MSRA: variants seen among roughly 807,000 people sequenced by gnomAD.
MSRA encodes methionine sulfoxide reductase A.
MSRA carries 54 observed loss-of-function variants against 31.3 expected under a neutral mutation model. The ratio of observed to expected loss-of-function variants is 1.73; its 90% CI spans 1.39 to 2.17. The LOEUF (loss-of-function observed/expected upper bound fraction) is 2.17, where lower values mean the gene tolerates loss of function less well. MSRA is among the 30% of genes most tolerant of loss of function. MSRA has a pLI of 0.00. For synonymous variants in MSRA, 169 were observed against 116.5 expected (o/e 1.45, Z -2.90); for missense variants, 507 against 300.9 (o/e 1.69, Z -5.07).
At chr8:10,248,678 C>T (rs1353418942) in intron 3 of MSRA, among the ~76,000 whole-genome samples, 13 of 152,146 alleles carry the variant, frequency 8.5e-5, no homozygotes, top group Admixed American at 7.9e-4. Flanking sequence ...CTCTGAACCC[C>T]AAATCGGAGT....
chr8:10,184,692 C>T (rs1806864076), intron 1 of MSRA, among the ~76,000 whole-genome samples: 1 of 152,166 alleles, frequency 6.6e-6, no homozygotes, highest in Admixed American at 6.5e-5. Context: ...ATCTACTTAA[C>T]AACTTGTGTA....
At chr8:10,139,049 T>C (rs1297863331) in intron 1 of MSRA, among the ~76,000 whole-genome samples, 1 of 152,198 alleles carries the variant, frequency 6.6e-6, no homozygotes, top group Non-Finnish European at 1.5e-5. Context: ...TAAGATTCTG[T>C]TATTTTAAAG....
chr8:10,281,487 C>T (rs1799620798), intron 3 of MSRA, among the ~76,000 whole-genome samples: 2 of 152,184 alleles, frequency 1.3e-5, no homozygotes, highest in African/African-American at 4.8e-5. Flanking sequence ...TGCGGCGGTG[C>T]TTACTAACAA....
intron 1 of MSRA, among the ~76,000 whole-genome samples, chr8:10,207,237 C>T (rs1474534462): frequency 1.3e-5 from 2 of 152,232 alleles, no homozygotes; most frequent in South Asian, 4.1e-4. Flanking sequence ...TTAGGAGGAC[C>T]TGGGTGGGGG....
At chr8:10,105,184 C>G (rs62488697) in intron 1 of MSRA, among the ~76,000 whole-genome samples, 40,439 of 151,718 alleles carry the variant, frequency 0.27, 5,513 homozygotes, top group South Asian at 0.42. Context: ...ATCGAAGATA[C>G]CTTCTCAATC....
At chr8:10,362,942 C>A (rs1483161639) in intron 5 of MSRA, among the ~76,000 whole-genome samples, 1 of 152,046 alleles carries the variant, frequency 6.6e-6, no homozygotes, top group African/African-American at 2.4e-5. Context: ...ATTTGTGAAA[C>A]AACAGAAGGA....
At chr8:10,196,640 C>T (rs567949964) in intron 1 of MSRA, among the ~76,000 whole-genome samples, 1 of 152,164 alleles carries the variant, frequency 6.6e-6, no homozygotes, top group Non-Finnish European at 1.5e-5. Flanking sequence ...ACCTCTGCCT[C>T]CTGGCTTTAA....
At position 10,209,760 on chromosome 8, in the gene MSRA, A is replaced by G. The variant is rs148340547; in HGVS notation, c.211+1859A>G. Among the ~76,000 whole-genome samples, 946 of 152,306 alleles carry G rather than the reference A, an allele frequency of 6.2e-3. 7 individuals carry two copies. The highest frequency in any genetic ancestry group is 0.022 in the African/African-American group (913 of 41,580). ...TTACCTCTTACGCCTTCAGGACTGA[A>G]AGCTCTTGGAGCAGGGGGCAGCCCC... is the stretch of plus-strand genomic sequence containing the variant. On this transcript the variant is annotated intron_variant, in intron 2 of 5. Coordinates refer to ENST00000317173, the MANE Select transcript of MSRA (RefSeq NM_012331.5).
intron 5 of MSRA, among the ~76,000 whole-genome samples, chr8:10,341,668 G>A (rs1461730004): frequency 6.6e-6 from 1 of 152,138 alleles, no homozygotes; most frequent in Non-Finnish European, 1.5e-5. Context: ...GCCTGGATAG[G>A]TAACTTAACC....
chr8:10,387,221 G>C (rs1211000901), intron 5 of MSRA, among the ~76,000 whole-genome samples: 1 of 152,218 alleles, frequency 6.6e-6, no homozygotes, highest in Non-Finnish European at 1.5e-5. Context: ...TGAGTAACAT[G>C]ATCGATGTCA....
At chr8:10,079,331 T>A (rs1014295174) in intron 1 of MSRA, among the ~76,000 whole-genome samples, 22 of 152,054 alleles carry the variant, frequency 1.4e-4, no homozygotes, top group African/African-American at 5.1e-4. Context: ...GGCTAAGTAT[T>A]TTTTGTAGAG....
intron 1 of MSRA, among the ~76,000 whole-genome samples, chr8:10,078,145 G>A (rs1279189610): frequency 6.6e-6 from 1 of 152,210 alleles, no homozygotes; most frequent in Non-Finnish European, 1.5e-5. Flanking sequence ...CACAGCAACA[G>A]GTGTTTTGGA....
intron 2 of MSRA, among the ~76,000 whole-genome samples, chr8:10,228,243 G>T (rs1311560852): frequency 2.6e-5 from 4 of 152,182 alleles, no homozygotes; most frequent in Non-Finnish European, 4.4e-5. Context: ...GGGTCCTTTT[G>T]TTGCCCTGGT....
At chr8:10,218,114 CTATTTATT>C (rs371596796) in intron 2 of MSRA, among the ~76,000 whole-genome samples, 24,985 of 138,686 alleles carry the variant, frequency 0.18, 2,900 homozygotes, top group Non-Finnish European at 0.26. Flanking sequence ...GGTTCCTTTT[CTATTTATT>C]TATTTATTTA....
intron 1 of MSRA, among the ~76,000 whole-genome samples, chr8:10,123,472 G>C (rs1259453580): frequency 6.6e-6 from 1 of 152,150 alleles, no homozygotes; most frequent in African/African-American, 2.4e-5. Flanking sequence ...TAGGTTGTCT[G>C]TTTACTCTGT....
intron 1 of MSRA, among the ~76,000 whole-genome samples, chr8:10,166,519 G>T (rs551265655): frequency 7.9e-5 from 12 of 152,248 alleles, no homozygotes; most frequent in African/African-American, 2.9e-4. Flanking sequence ...ATTTGTGTGT[G>T]TGTGCATATG....
chr8:10,417,754 T>TGTGTG (rs1808557325), intron 5 of MSRA, among the ~76,000 whole-genome samples: 5 of 129,842 alleles, frequency 3.9e-5, no homozygotes, highest in African/African-American at 1.4e-4. Context: ...AACCTGCATG[T>TGTGTG]TGTGTGTGTG....
At chr8:10,062,032 C>A (rs549324935) in intron 1 of MSRA, among the ~76,000 whole-genome samples, 1 of 152,158 alleles carries the variant, frequency 6.6e-6, no homozygotes, top group Non-Finnish European at 1.5e-5. Flanking sequence ...ACAGCTGAGG[C>A]AAGGAGTGGG....
intron 1 of MSRA, among the ~76,000 whole-genome samples, chr8:10,060,154 T>A (rs1563383773): frequency 6.6e-6 from 1 of 152,214 alleles, no homozygotes; most frequent in Non-Finnish European, 1.5e-5. Context: ...AAATGATGAC[T>A]GCACCAGGTT....
Sources: gnomAD v4.1 joint callset for allele counts (sites outside exome capture counted in the v4.1 genomes callset) on GRCh38, gnomAD v4.1.1 for gene constraint, MANE v1.5 for transcripts, NCBI Gene and HGNC (gene_info 2026-07-23, HGNC 2026-07-21) for gene names.